USP34: variants seen among roughly 807,000 people sequenced by gnomAD.
The protein encoded by USP34 is ubiquitin specific peptidase 34, also known as ubiquitin carboxyl-terminal hydrolase 34.
In USP34, 70 loss-of-function variants were observed where a neutral mutation model predicts 460.3. The ratio of observed to expected loss-of-function variants is 0.15; its 90% confidence interval spans 0.13 to 0.19. The LOEUF is 0.19. USP34 is among the 10% of genes least tolerant of loss of function. The pLI is 1.00. For missense variants in USP34, 3,985 were observed against 4,236.2 expected (o/e 0.94, Z 1.65); for synonymous variants, 1,647 against 1,405.3 (o/e 1.17, Z -3.85).
At chr2:61,356,223 C>G (rs1263229638) in intron 10 of USP34, among the ~76,000 whole-genome samples, 3 of 151,304 alleles carry the variant, frequency 2.0e-5, no homozygotes, top group Non-Finnish European at 4.4e-5. Flanking sequence ...CACAGTGGCT[C>G]ATGCCTGTAA....
intron 8 of USP34, among the ~76,000 whole-genome samples, chr2:61,372,733 G>A (rs1692666461): frequency 6.6e-6 from 1 of 152,182 alleles, no homozygotes; most frequent in Non-Finnish European, 1.5e-5. Context: ...GGGAGACCCA[G>A]GGACTTTCGT....
At chr2:61,343,438 A>C (rs531176217) in intron 16 of USP34, among the ~76,000 whole-genome samples, 2 of 152,310 alleles carry the variant, frequency 1.3e-5, no homozygotes, top group East Asian at 1.9e-4. Context: ...TATTCTAGAC[A>C]TATCATATAA....
At chr2:61,294,890 T>G in intron 32 of USP34, 59 bp downstream of exon 32, 1 of 1,399,556 alleles carries the variant, frequency 7.1e-7, no homozygotes, top group Non-Finnish European at 9.9e-7. Flanking sequence ...GTACCCACTT[T>G]TGAAAAACTG....
At chr2:61,355,626 AACAAC>A (rs1214152406) in intron 10 of USP34, among the ~76,000 whole-genome samples, 2 of 152,092 alleles carry the variant, frequency 1.3e-5, no homozygotes, top group African/African-American at 4.8e-5. Context: ...CAACAACAAC[AACAAC>A]AACAAACAAA....
intron 3 of USP34, among the ~76,000 whole-genome samples, chr2:61,397,964 G>A (rs772197139): frequency 6.6e-6 from 1 of 152,122 alleles, no homozygotes; most frequent in Non-Finnish European, 1.5e-5. Flanking sequence ...CTGCTCAGCA[G>A]ACTAAGGCAC....
intron 1 of USP34, among the ~76,000 whole-genome samples, chr2:61,427,832 C>T (rs1352265755): frequency 2.6e-5 from 4 of 152,042 alleles, no homozygotes; most frequent in East Asian, 1.9e-4. Context: ...AGCATGCCTA[C>T]GGGATCTAGA....
In USP34 at chr2:61,319,322, T is replaced by A; in HGVS notation, c.3019A>T (p.Ser1007Cys). 2.6e-6 allele frequency: 4 copies of A among 1,535,184 alleles called. No individual in the cohort carries two copies. Among genetic ancestry groups the A allele is most frequent in the Non-Finnish European group, 3.5e-6 (4 of 1,151,624 alleles). ...TLGSPDHFRLSLEQVDILWHC... is the reference protein window; with the variant it reads ...TLGSPDHFRLCLEQVDILWHC... ...CATAAGATGTCAACTTGCTCTAAAC[T>A]TAACCCTAGATAAAAATTATAAATT... Residue 1007 changes from serine to cysteine, a missense_variant, in exon 22 of 80, where the codon AGT (serine) becomes TGT (cysteine). By Grantham distance (112) the Ser-to-Cys change is moderately radical (BLOSUM62 -1). Coordinates refer to ENST00000398571, the MANE Select transcript of USP34 (RefSeq NM_014709.4).
At chr2:61,237,972 C>T (rs1214535053) in intron 53 of USP34, among the ~76,000 whole-genome samples, 3 of 151,846 alleles carry the variant, frequency 2.0e-5, no homozygotes, top group African/African-American at 2.4e-5. Context: ...TCTCGGCTCA[C>T]GGCAATCTCC....
intron 10 of USP34, among the ~76,000 whole-genome samples, chr2:61,365,635 A>G (rs1391617579): frequency 6.6e-6 from 1 of 152,182 alleles, no homozygotes; most frequent in African/African-American, 2.4e-5. Flanking sequence ...AGGAATGACA[A>G]AAACAGGAGT....
intron 1 of USP34, among the ~76,000 whole-genome samples, chr2:61,437,226 T>A (rs532939535): frequency 6.6e-6 from 1 of 150,860 alleles, no homozygotes; most frequent in Admixed American, 6.6e-5. Context: ...TTACAGGAGA[T>A]CAAAGATCAG....
At position 61,385,453 on chromosome 2, in the gene USP34, C is replaced by T. The variant is rs562498034; in HGVS notation, c.754-2117G>A. On this transcript the variant is annotated intron_variant, in intron 5 of 79. Transcript: ENST00000398571. ...TTGGGAGGCCGAGGCGGGCGGATCA[C>T]GAGGTCAGGAGATCGAGACCATCCT... Among the ~76,000 whole-genome samples, 6 of 151,518 alleles carry T rather than the reference C, an allele frequency of 4.0e-5. No individual in the cohort carries two copies. In the South Asian group the frequency reaches 6.3e-4, roughly 16 times the overall value.
intron 15 of USP34, among the ~76,000 whole-genome samples, chr2:61,345,513 T>TA (rs1572954053): frequency 1.3e-5 from 2 of 152,214 alleles, no homozygotes; most frequent in East Asian, 3.8e-4. Context: ...TAAACTCACA[T>TA]AGTATCACTC....
intron 1 of USP34, among the ~76,000 whole-genome samples, chr2:61,445,583 G>A (rs1695091222): frequency 6.7e-6 from 1 of 149,276 alleles, no homozygotes; most frequent in Non-Finnish European, 1.5e-5. Context: ...CCGGATGAAA[G>A]CCAAGAGACA....
intron 10 of USP34, among the ~76,000 whole-genome samples, chr2:61,354,811 G>A (rs756746991): frequency 5.9e-5 from 9 of 152,302 alleles, no homozygotes; most frequent in Non-Finnish European, 8.8e-5. Flanking sequence ...GGGGCTCAGA[G>A]GTGCTCACAC....
intron 1 of USP34, among the ~76,000 whole-genome samples, chr2:61,463,587 AC>A (rs1240880785): frequency 2.0e-5 from 3 of 152,102 alleles, no homozygotes; most frequent in Non-Finnish European, 4.4e-5. Context: ...TAAACCCAAC[AC>A]TTTGGGAGGC....
chr2:61,417,740 TTTTC>T, intron 2 of USP34, among the ~76,000 whole-genome samples: 2 of 93,006 alleles, frequency 2.2e-5, no homozygotes, highest in Admixed American at 1.6e-4. Context: ...TCTTTTTTTC[TTTTC>T]TTTTTTTTTT....
chr2:61,461,499 T>C (rs1470152287), intron 1 of USP34, among the ~76,000 whole-genome samples: 2 of 152,114 alleles, frequency 1.3e-5, no homozygotes, highest in African/African-American at 4.8e-5. Flanking sequence ...TTACTAGTAA[T>C]TGCTTAATAC....
chr2:61,428,471 G>A (rs1448956343), intron 1 of USP34, among the ~76,000 whole-genome samples: 2 of 152,132 alleles, frequency 1.3e-5, no homozygotes, highest in African/African-American at 4.8e-5. Flanking sequence ...AAAAGCCTTA[G>A]GCAATGGCTG....
chr2:61,277,452 G>C (rs1438281967), intron 41 of USP34, among the ~76,000 whole-genome samples: 1 of 151,934 alleles, frequency 6.6e-6, no homozygotes, highest in Non-Finnish European at 1.5e-5. Flanking sequence ...GCCTTGGCTG[G>C]TCTCGAACTC....
Sources: gnomAD v4.1 joint callset for allele counts (sites outside exome capture counted in the v4.1 genomes callset) on GRCh38, gnomAD v4.1.1 for gene constraint, MANE v1.5 for transcripts, NCBI Gene and HGNC (gene_info 2026-07-23, HGNC 2026-07-21) for gene names.